The following PRKG1 variants were observed in gnomAD, a reference collection of about 807,000 sequenced individuals.
PRKG1 encodes the protein protein kinase cGMP-dependent 1.
Under a neutral mutation model 88.1 loss-of-function variants are expected in PRKG1, and 35 were observed. That is an observed-to-expected ratio of 0.40 (90% CI 0.30 to 0.53). The LOEUF is 0.53. PRKG1 is among the 20% of genes least tolerant of loss of function. The pLI is 0.59. For synonymous variants in PRKG1, 303 were observed against 292.5 expected (o/e 1.04, Z -0.37); for missense variants, 540 against 839.8 (o/e 0.64, Z 4.41).
chr10:51,379,760 C>T (rs1837024877), intron 2 of PRKG1, among the ~76,000 whole-genome samples: 2 of 152,154 alleles, frequency 1.3e-5, no homozygotes, highest in African/African-American at 4.8e-5. Context: ...TCAGGCTAAC[C>T]TTTGAGACAA....
At chr10:51,127,410 A>G (rs2131929965) in intron 1 of PRKG1, among the ~76,000 whole-genome samples, 1 of 152,320 alleles carries the variant, frequency 6.6e-6, no homozygotes, top group Middle Eastern at 3.4e-3. Flanking sequence ...ATAATGAGAT[A>G]CCATCTCACA....
chr10:51,039,727 G>A (rs1351898642), intron 1 of PRKG1, among the ~76,000 whole-genome samples: 2 of 152,050 alleles, frequency 1.3e-5, no homozygotes, highest in Non-Finnish European at 2.9e-5. Context: ...CATAGTTTGA[G>A]GTTTTACATT....
chr10:51,477,935 A>G (rs200295178), intron 3 of PRKG1, among the ~76,000 whole-genome samples: 2 of 152,198 alleles, frequency 1.3e-5, no homozygotes, highest in East Asian at 3.9e-4. Flanking sequence ...ACTGATACCA[A>G]AACCAAACTA....
intron 3 of PRKG1, among the ~76,000 whole-genome samples, chr10:51,661,140 T>A (rs1352323696): frequency 1.3e-5 from 2 of 152,090 alleles, no homozygotes; most frequent in African/African-American, 4.8e-5. Flanking sequence ...GGTATTCAAC[T>A]TTGTATTTCC....
rs114172782 is a variant in PRKG1 at position 51,063,155 on chromosome 10, C to A, written c.266+71511C>A. Among the ~76,000 whole-genome samples the A allele has an allele frequency of 3.1e-3, 479 of 152,220 alleles. 3 individuals are homozygous for A. Among genetic ancestry groups the A allele is most frequent in the African/African-American group, 0.011 (461 of 41,536 alleles). On this transcript the variant is annotated intron_variant, in intron 1 of 17. Transcript: ENST00000401604. ...GCCAATTGTTTGCTTGAATGATTTCCTATTTTTCCTTGTTATGGGTATGTT... is the reference window on the plus strand; with the variant it reads ...GCCAATTGTTTGCTTGAATGATTTCATATTTTTCCTTGTTATGGGTATGTT...
At chr10:51,848,871 A>T in intron 4 of PRKG1, among the ~76,000 whole-genome samples, 1 of 147,662 alleles carries the variant, frequency 6.8e-6, no homozygotes, top group African/African-American at 2.5e-5. Context: ...TTTTTTTAAC[A>T]CTTTCTGTTT....
At chr10:51,021,251 C>G (rs2099597962) in intron 1 of PRKG1, among the ~76,000 whole-genome samples, 1 of 152,122 alleles carries the variant, frequency 6.6e-6, no homozygotes, top group Non-Finnish European at 1.5e-5. Flanking sequence ...TTCATGAGAA[C>G]AGCATCACTG....
At chr10:51,859,501 C>A (rs1338966507) in intron 4 of PRKG1, among the ~76,000 whole-genome samples, 2 of 151,140 alleles carry the variant, frequency 1.3e-5, no homozygotes, top group Non-Finnish European at 2.9e-5. Context: ...TGATCTGATC[C>A]TGACCACATC....
intron 2 of PRKG1, among the ~76,000 whole-genome samples, chr10:51,207,554 T>A (rs1838094628): frequency 2.0e-5 from 3 of 152,064 alleles, no homozygotes; most frequent in Admixed American, 2.0e-4. Context: ...CTTATAGCCA[T>A]TCCAGAGATC....
At chr10:51,946,462 T>C (rs952441425) in intron 5 of PRKG1, among the ~76,000 whole-genome samples, 7 of 152,150 alleles carry the variant, frequency 4.6e-5, no homozygotes, top group Non-Finnish European at 1.0e-4. Context: ...TCTCAACTCG[T>C]CAAAGTCATT....
chr10:51,212,120 A>G (rs1468626977), intron 2 of PRKG1, among the ~76,000 whole-genome samples: 1 of 152,028 alleles, frequency 6.6e-6, no homozygotes, highest in Non-Finnish European at 1.5e-5. Context: ...AAACAGAGAT[A>G]TAGACCAATG....
chr10:51,811,572 G>T, intron 4 of PRKG1, among the ~76,000 whole-genome samples: 1 of 152,114 alleles, frequency 6.6e-6, no homozygotes, highest in East Asian at 1.9e-4. Flanking sequence ...AGTGAGGAGA[G>T]CTGCCTCACA....
intron 5 of PRKG1, among the ~76,000 whole-genome samples, chr10:51,991,820 A>G (rs1045987446): frequency 1.3e-5 from 2 of 152,128 alleles, no homozygotes; most frequent in African/African-American, 4.8e-5. Context: ...TTGCTATTGT[A>G]TAGTGCCACA....
chr10:52,178,421 T>A (rs570355821), intron 9 of PRKG1, among the ~76,000 whole-genome samples: 2 of 152,262 alleles, frequency 1.3e-5, no homozygotes, highest in African/African-American at 4.8e-5. Flanking sequence ...TAACATATCA[T>A]CTATCCTGGG....
intron 5 of PRKG1, among the ~76,000 whole-genome samples, chr10:51,922,172 T>C (rs1336017982): frequency 6.6e-6 from 1 of 151,786 alleles, no homozygotes; most frequent in Non-Finnish European, 1.5e-5. Context: ...CTTTTCTAAA[T>C]TATAAACAAT....
chr10:52,132,777 A>T (rs1031685381), intron 7 of PRKG1, among the ~76,000 whole-genome samples: 4 of 152,018 alleles, frequency 2.6e-5, no homozygotes, highest in Non-Finnish European at 5.9e-5. Flanking sequence ...TGTAATTTTT[A>T]AATTATTTTT....
At chr10:52,116,270 C>T (rs1008585557) in intron 7 of PRKG1, among the ~76,000 whole-genome samples, 3 of 152,082 alleles carry the variant, frequency 2.0e-5, no homozygotes, top group African/African-American at 4.8e-5. Flanking sequence ...ACAATGTATA[C>T]GTGTTTAGTG....
chr10:51,863,739 C>T (rs576921727), intron 4 of PRKG1, among the ~76,000 whole-genome samples: 9 of 152,238 alleles, frequency 5.9e-5, no homozygotes, highest in African/African-American at 2.2e-4. Flanking sequence ...TTCTCAACCT[C>T]CAGAATTGTA....
Position 52,148,268 on chromosome 10 carries a change from A to G in PRKG1, c.1002-13621A>G, listed in dbSNP as rs552114396. Among the ~76,000 whole-genome samples the G allele has an allele frequency of 4.2e-3, 639 of 152,268 alleles. 2 individuals carry two copies. Among genetic ancestry groups the G allele is most frequent in the Non-Finnish European group, 7.6e-3 (519 of 68,012 alleles). Reference sequence around the variant, plus strand: ...GTTTGCTACTGTTATCTTAGTGGGCAGGGTTCAGGGATGCTGTTAACCATC... The same window carrying G: ...GTTTGCTACTGTTATCTTAGTGGGCGGGGTTCAGGGATGCTGTTAACCATC... On this transcript the variant is annotated intron_variant, in intron 8 of 17. Coordinates refer to ENST00000373980, the MANE Select transcript of PRKG1 (RefSeq NM_006258.4).
Sources: gnomAD v4.1 joint callset for allele counts (sites outside exome capture counted in the v4.1 genomes callset) on GRCh38, gnomAD v4.1.1 for gene constraint, MANE v1.5 for transcripts, NCBI Gene and HGNC (gene_info 2026-07-23, HGNC 2026-07-21) for gene names.